CDK5RAP2: variants seen among roughly 807,000 people sequenced by gnomAD.
CDK5RAP2 encodes CDK5 regulatory subunit associated protein 2, also known as CDK5 regulatory subunit-associated protein 2.
CDK5RAP2 carries 147 observed loss-of-function variants against 232.9 expected under a neutral mutation model. That is an observed-to-expected ratio of 0.63 (90% CI 0.55 to 0.72). CDK5RAP2 has a LOEUF of 0.72. Among genes scored for constraint, CDK5RAP2 ranks in the 30% least tolerant of loss-of-function variants. The pLI, the probability that CDK5RAP2 is intolerant of heterozygous loss-of-function variation, is 0.00. For synonymous variants in CDK5RAP2, 833 were observed against 833.7 expected, an observed-to-expected ratio of 1.00 and a Z score of 0.01; for missense variants, 2,195 against 2,231.5, an observed-to-expected ratio of 0.98 and a Z score of 0.33.
chr9:120,549,558 T>C lies in CDK5RAP2; in HGVS notation c.306+1234A>G, dbSNP rs566532719. ...AGTAGCTATATGACATCAGGTGGGT[T>C]ACTCATCTATAAGCCTCAGTTTCTT... On this transcript the variant is annotated intron_variant, in intron 4 of 37. Transcript: ENST00000349780. Among the ~76,000 whole-genome samples the C allele has an allele frequency of 3.3e-5, 5 of 152,306 alleles. No individual in the cohort carries two copies. The East Asian group carries it at 9.6e-4, about 29-fold the overall frequency.
At chr9:120,401,610 CAAAAAAAAAAA>C (rs142588120) in intron 34 of CDK5RAP2, among the ~76,000 whole-genome samples, 3 of 61,532 alleles carry the variant, frequency 4.9e-5, no homozygotes, top group East Asian at 1.1e-3. Flanking sequence ...GACCCTGTCT[CAAAAAAAAAAA>C]AAAAAAAAAA....
At chr9:120,503,132 G>A (rs2039651853) in intron 12 of CDK5RAP2, among the ~76,000 whole-genome samples, 1 of 152,110 alleles carries the variant, frequency 6.6e-6, no homozygotes, top group Non-Finnish European at 1.5e-5. Flanking sequence ...TATTGTTAAG[G>A]CTAAAGAAAA....
At position 120,443,741 on chromosome 9, in the gene CDK5RAP2, A is replaced by G. The variant is rs374650359; in HGVS notation, c.3027T>C (p.Ala1009=). ...GGTAGGCTGCTCCCACAGGGGGCTG[A>G]GCTACAGGCAATCACAAAGAGAAAG... ...RPTPDKTLLN[A]QPPVGAAYQD... Residue 1009 remains alanine (A), a splice_region_variant and synonymous_variant, in exon 23 of 38, where the codon GCT becomes GCC. Coordinates refer to ENST00000349780, the MANE Select transcript of CDK5RAP2 (RefSeq NM_018249.6). The G allele has an allele frequency of 4.4e-5, 71 of 1,614,132 alleles. No individual in the cohort carries two copies. Among genetic ancestry groups the G allele is most frequent in the Middle Eastern group, 1.7e-4 (1 of 6,058 alleles).
At chr9:120,525,291 A>G (rs1242204924) in intron 10 of CDK5RAP2, among the ~76,000 whole-genome samples, 3 of 152,244 alleles carry the variant, frequency 2.0e-5, no homozygotes, top group Non-Finnish European at 4.4e-5. Flanking sequence ...CCTCAACTGT[A>G]AAATGAGGAT....
intron 23 of CDK5RAP2, among the ~76,000 whole-genome samples, chr9:120,442,111 G>A (rs893250128): frequency 3.3e-5 from 5 of 152,156 alleles, no homozygotes; most frequent in African/African-American, 1.2e-4. Context: ...TAGTTCCCAG[G>A]ACTTTCCTTA....
rs144723380 is a variant in CDK5RAP2 at position 120,499,786 on chromosome 9, G to A, written c.1312-8309C>T. Among the ~76,000 whole-genome samples the A allele has an allele frequency of 4.1e-3, 618 of 152,196 alleles. 3 individuals are homozygous for A. Among genetic ancestry groups the A allele is most frequent in the African/African-American group, 0.014 (575 of 41,544 alleles). On this transcript the variant is annotated intron_variant, in intron 12 of 37. Coordinates refer to ENST00000349780, the MANE Select transcript of CDK5RAP2 (RefSeq NM_018249.6). ...AACATTCCCCCAAAATACAGTCATG[G>A]CAATATATTAAACCATTTTCAAACA...
At chr9:120,488,674 C>T (rs976707134) in intron 13 of CDK5RAP2, among the ~76,000 whole-genome samples, 13 of 152,226 alleles carry the variant, frequency 8.5e-5, no homozygotes, top group Non-Finnish European at 1.2e-4. Flanking sequence ...TCCTCTGTCC[C>T]TCAACCCTTT....
At chr9:120,445,477 T>C (rs1182849756) in intron 22 of CDK5RAP2, among the ~76,000 whole-genome samples, 1 of 152,020 alleles carries the variant, frequency 6.6e-6, no homozygotes, top group Non-Finnish European at 1.5e-5. Flanking sequence ...CTCCAATCTC[T>C]CTCCTCCATT....
At chr9:120,425,308 C>G (rs2034825100) in intron 25 of CDK5RAP2, among the ~76,000 whole-genome samples, 1 of 152,168 alleles carries the variant, frequency 6.6e-6, no homozygotes, top group Non-Finnish European at 1.5e-5. Flanking sequence ...CTGTAGGATT[C>G]ACAGGGAGAT....
At chr9:120,416,504 C>A (rs140135069) in intron 27 of CDK5RAP2, among the ~76,000 whole-genome samples, 2 of 152,312 alleles carry the variant, frequency 1.3e-5, no homozygotes. Flanking sequence ...GGAAATATAT[C>A]TAAATATTAA....
chr9:120,503,082 G>A (rs2039647700), intron 12 of CDK5RAP2, among the ~76,000 whole-genome samples: 1 of 152,206 alleles, frequency 6.6e-6, no homozygotes, highest in Non-Finnish European at 1.5e-5. Context: ...ACCCCAGTCA[G>A]TGTGACCCCA....
In CDK5RAP2 at chr9:120,492,214, G is replaced by A. The variant is rs2038945698; in HGVS notation, c.1312-737C>T. On this transcript the variant is annotated intron_variant, in intron 12 of 37. Transcript: ENST00000349780. The stretch of plus-strand genomic sequence containing the variant: ...AACAATCCAAATGTCCACCAACAGA[G>A]GAATAAACTATGGTACATTCTCACA... 2.6e-5 allele frequency among the ~76,000 whole-genome samples: 4 copies of A among 151,984 alleles called. No individual in the cohort carries two copies. In the South Asian group the frequency reaches 6.2e-4, roughly 24 times the overall value.
chr9:120,458,359 C>A (rs774174475), intron 20 of CDK5RAP2, 91 bp downstream of exon 20: 5 of 1,262,182 alleles, frequency 4.0e-6, no homozygotes, highest in Non-Finnish European at 5.7e-6. Context: ...AGGTAAATTA[C>A]ACAGCACGAT....
At chr9:120,428,872 A>G (rs2131419387) in intron 25 of CDK5RAP2, among the ~76,000 whole-genome samples, 1 of 152,356 alleles carries the variant, frequency 6.6e-6, no homozygotes, top group South Asian at 2.1e-4. Flanking sequence ...AATACTGGCA[A>G]ACCGAATCCA....
At position 120,389,603 on chromosome 9, in the gene CDK5RAP2, C is replaced by T. The variant is rs2031730266; in HGVS notation, c.5625+138G>A. The stretch of plus-strand genomic sequence containing the variant: ...ATGATAAAACACAACTTTTCATGCA[C>T]TGCTGGCAGAAACAACTCTCTGAGG... On this transcript the variant is annotated intron_variant, in intron 37 of 37. Transcript: ENST00000349780. The T allele has an allele frequency of 4.8e-6, 4 of 829,000 alleles. No individual in the cohort carries two copies. The Admixed American group carries it at 6.3e-5, about 13-fold the overall frequency. The allele number at this position is 829,000 out of a possible 1,614,324, so 51.4% of individuals were successfully genotyped here.
intron 18 of CDK5RAP2, among the ~76,000 whole-genome samples, chr9:120,465,848 G>A (rs1424851818): frequency 9.2e-5 from 14 of 152,156 alleles, no homozygotes; most frequent in Admixed American, 8.5e-4. Flanking sequence ...TCATAAGAAG[G>A]AATGAGATGC....
At chr9:120,412,453 T>C (rs1308976677) in intron 28 of CDK5RAP2, among the ~76,000 whole-genome samples, 2 of 152,346 alleles carry the variant, frequency 1.3e-5, no homozygotes, top group Admixed American at 6.5e-5. Context: ...GGAAGTCTGC[T>C]GGGAGCTTCT....
At chr9:120,524,840 C>T (rs2040828616) in intron 11 of CDK5RAP2, 146 bp downstream of exon 11, 1 of 646,348 alleles carries the variant, frequency 1.5e-6, no homozygotes, top group Non-Finnish European at 2.8e-6. Flanking sequence ...GAGAATTTCC[C>T]TTTAATTAGA....
chr9:120,471,432 G>A (rs558513413), intron 16 of CDK5RAP2, among the ~76,000 whole-genome samples: 1 of 152,340 alleles, frequency 6.6e-6, no homozygotes, highest in African/African-American at 2.4e-5. Context: ...GTTCCGGGCA[G>A]TGAGGGCTGC....
Sources: allele counts gnomAD v4.1 joint callset (sites outside exome capture counted in the v4.1 genomes callset), GRCh38; gene constraint gnomAD v4.1.1; transcripts MANE v1.5; gene names NCBI Gene and HGNC (gene_info 2026-07-23, HGNC 2026-07-21).